The following CDYL variants were observed in gnomAD, a reference collection of about 807,000 sequenced individuals.
CDYL encodes chromodomain Y like.
CDYL carries 8 observed loss-of-function variants against 47.3 expected under a neutral mutation model. That is an observed-to-expected ratio of 0.17 (90% confidence interval 0.10 to 0.31). CDYL has a LOEUF of 0.31. CDYL is among the 10% of genes least tolerant of loss of function. CDYL has a pLI of 1.00. For synonymous variants in CDYL, 266 were observed against 265.0 expected (o/e 1.00, Z -0.04); for missense variants, 471 against 701.4 (o/e 0.67, Z 3.71).
intron 1 of CDYL, among the ~76,000 whole-genome samples, chr6:4,812,302 T>G (rs1172980707): frequency 6.6e-6 from 1 of 152,202 alleles, no homozygotes; most frequent in Non-Finnish European, 1.5e-5. Context: ...TTCTGCAGTG[T>G]TAAATGATTA....
intron 1 of CDYL, among the ~76,000 whole-genome samples, chr6:4,795,634 A>C (rs554376340): frequency 1.3e-5 from 2 of 151,972 alleles, no homozygotes; most frequent in East Asian, 3.9e-4. Context: ...GGATACTTAA[A>C]CATCTATACT....
intron 1 of CDYL, among the ~76,000 whole-genome samples, chr6:4,829,687 G>A (rs111730550): frequency 1.3e-5 from 2 of 152,120 alleles, no homozygotes; most frequent in African/African-American, 2.4e-5. Flanking sequence ...AGGTGTTTGT[G>A]GGTGTTAGTT....
intron 2 of CDYL, among the ~76,000 whole-genome samples, chr6:4,903,544 A>G (rs1222069838): frequency 6.6e-6 from 1 of 152,226 alleles, no homozygotes; most frequent in Non-Finnish European, 1.5e-5. Context: ...CAAGTGAAAT[A>G]ATAAAAGAAC....
At chr6:4,744,123 A>G (rs1326753475) in intron 3 of CDYL, among the ~76,000 whole-genome samples, 1 of 152,174 alleles carries the variant, frequency 6.6e-6, no homozygotes, top group Non-Finnish European at 1.5e-5. Flanking sequence ...AGCAGGACGA[A>G]GGTCAGATGG....
At chr6:4,783,255 T>C (rs1218517582) in intron 1 of CDYL, among the ~76,000 whole-genome samples, 1 of 151,782 alleles carries the variant, frequency 6.6e-6, no homozygotes, top group East Asian at 1.9e-4. Flanking sequence ...TCTAGGTTTT[T>C]TTTTTTTAAT....
intron 2 of CDYL, among the ~76,000 whole-genome samples, chr6:4,892,719 G>A (rs1762085808): frequency 6.6e-6 from 1 of 152,198 alleles, no homozygotes; most frequent in African/African-American, 2.4e-5. Context: ...GCTGAGTCTT[G>A]TCTCGTGTTA....
intron 5 of CDYL, 58 bp from the exon 6 acceptor site, chr6:4,952,208 G>T: frequency 6.4e-7 from 1 of 1,574,538 alleles, no homozygotes; most frequent in Non-Finnish European, 8.6e-7. Flanking sequence ...TAAGGGATGG[G>T]TCTTCCCCGC....
At chr6:4,829,859 A>G (rs1182225839) in intron 1 of CDYL, among the ~76,000 whole-genome samples, 1 of 152,222 alleles carries the variant, frequency 6.6e-6, no homozygotes, top group Non-Finnish European at 1.5e-5. Context: ...GGACTTTCCC[A>G]CTGGGAATGC....
chr6:4,902,276 C>T (rs1757085931), intron 2 of CDYL, among the ~76,000 whole-genome samples: 1 of 151,782 alleles, frequency 6.6e-6, no homozygotes, highest in African/African-American at 2.4e-5. Context: ...CGTGGTGGCG[C>T]ATGCCTGTAA....
chr6:4,824,893 CAG>C (rs1759936239), intron 1 of CDYL, among the ~76,000 whole-genome samples: 1 of 151,574 alleles, frequency 6.6e-6, no homozygotes, highest in South Asian at 2.1e-4. Context: ...TTCTTTGAAA[CAG>C]AGTCTCACTC....
chr6:4,716,295 C>G (rs1757260060), intron 2 of CDYL, among the ~76,000 whole-genome samples: 1 of 151,838 alleles, frequency 6.6e-6, no homozygotes, highest in Non-Finnish European at 1.5e-5. Context: ...AATTGTTCAA[C>G]ATAAGCTTTC....
intron 1 of CDYL, among the ~76,000 whole-genome samples, chr6:4,795,658 AG>A (rs1264064773): frequency 6.6e-6 from 1 of 151,636 alleles, no homozygotes; most frequent in Non-Finnish European, 1.5e-5. Flanking sequence ...TCTGTGATTC[AG>A]CATGCCTCAT....
In CDYL at chr6:4,776,670, C is replaced by T; in HGVS notation, c.-114C>T. 6.2e-6 allele frequency: 6 copies of T among 963,122 alleles called. No homozygotes were observed. Among genetic ancestry groups the T allele is most frequent in the Non-Finnish European group, 8.2e-6 (6 of 732,368 alleles). The allele number at this position is 963,122 out of a possible 1,614,324, so 59.7% of individuals were successfully genotyped here. On this transcript the variant is annotated 5_prime_UTR_variant, in exon 1 of 7. Transcript: ENST00000397588. ...CGTCCGTGCCCAGCGCCCGGCCGGC[C>T]GCGGGAGCAGGAAGCGCAGGCCACG... is the stretch of plus-strand genomic sequence containing the variant.
chr6:4,874,006 CCA>C (rs1236398588), intron 1 of CDYL, among the ~76,000 whole-genome samples: 1 of 152,138 alleles, frequency 6.6e-6, no homozygotes, highest in Non-Finnish European at 1.5e-5. Flanking sequence ...CATTCCCAAA[CCA>C]CAGAGTAAGA....
At chr6:4,723,284 T>A (rs1434143548) in intron 2 of CDYL, among the ~76,000 whole-genome samples, 1 of 152,116 alleles carries the variant, frequency 6.6e-6, no homozygotes, top group African/African-American at 2.4e-5. Flanking sequence ...TGCCATTATA[T>A]CAGGGACTTG....
chr6:4,786,107 G>A (rs1370777293), intron 1 of CDYL, among the ~76,000 whole-genome samples: 1 of 152,176 alleles, frequency 6.6e-6, no homozygotes, highest in Non-Finnish European at 1.5e-5. Flanking sequence ...TTCCACCCAA[G>A]TTCTCCAGAC....
intron 4 of CDYL, 113 bp from the exon 5 acceptor site, chr6:4,943,433 T>G (rs1245010879): frequency 1.3e-6 from 1 of 746,678 alleles, no homozygotes; most frequent in Non-Finnish European, 2.2e-6. Flanking sequence ...AAATCTCAAG[T>G]CTTCAGGATT....
intron 1 of CDYL, among the ~76,000 whole-genome samples, chr6:4,800,239 C>T (rs1422817209): frequency 2.0e-5 from 3 of 152,074 alleles, no homozygotes; most frequent in Non-Finnish European, 2.9e-5. Flanking sequence ...TCCTCTTTTG[C>T]TGATTTTGTG....
At chr6:4,722,921 C>T (rs1344531834) in intron 2 of CDYL, among the ~76,000 whole-genome samples, 3 of 152,152 alleles carry the variant, frequency 2.0e-5, no homozygotes, top group East Asian at 3.9e-4. Context: ...ACCCCACAGA[C>T]CAAACTGAGG....
Sources: gnomAD v4.1 joint callset for allele counts (sites outside exome capture counted in the v4.1 genomes callset) on GRCh38, gnomAD v4.1.1 for gene constraint, MANE v1.5 for transcripts, NCBI Gene and HGNC (gene_info 2026-07-23, HGNC 2026-07-21) for gene names.